LINC00237: variants seen among roughly 807,000 people sequenced by gnomAD.
LINC00237 encodes the protein long independently transcribed non-coding RNA 237, also known as long intergenic non-protein coding RNA 237.
At chr20:21,097,359 G>T (rs1287535661) in intron 1 of LINC00237, among the ~76,000 whole-genome samples, 1 of 151,734 alleles carries the variant, frequency 6.6e-6, no homozygotes, top group Non-Finnish European at 1.5e-5. Context: ...GGGTTAAGTT[G>T]GCCAATGTAC....
chr20:21,104,864 C>T (rs958286384), intron 1 of LINC00237, among the ~76,000 whole-genome samples: 1 of 152,164 alleles, frequency 6.6e-6, no homozygotes, highest in Admixed American at 6.5e-5. Flanking sequence ...CGTACACACA[C>T]ACTCATATAT....
chr20:21,104,452 A>G (rs1438193061), intron 1 of LINC00237, among the ~76,000 whole-genome samples: 5 of 152,238 alleles, frequency 3.3e-5, no homozygotes, highest in Admixed American at 2.0e-4. Flanking sequence ...AGCCTTGTCC[A>G]TAAATCCTCT....
chr20:21,096,363 C>G (rs960419990), intron 1 of LINC00237, among the ~76,000 whole-genome samples: 1 of 152,182 alleles, frequency 6.6e-6, no homozygotes, highest in Admixed American at 6.5e-5. Context: ...TAATTCCCAG[C>G]CAGCAAGAAG....
intron 1 of LINC00237, among the ~76,000 whole-genome samples, chr20:21,094,652 G>A (rs1158785087): frequency 6.6e-6 from 1 of 152,164 alleles, no homozygotes; most frequent in Non-Finnish European, 1.5e-5. Context: ...CCCATCAATA[G>A]GAAGAGTGGC....
intron 2 of LINC00237, among the ~76,000 whole-genome samples, chr20:21,091,179 T>TCACACA (rs113867216): frequency 2.0e-4 from 31 of 151,330 alleles, no homozygotes; most frequent in South Asian, 1.2e-3. Flanking sequence ...TCACTCACAC[T>TCACACA]CACACACACA....
intron 1 of LINC00237, among the ~76,000 whole-genome samples, chr20:21,102,207 G>C (rs890576779): frequency 6.6e-6 from 1 of 152,250 alleles, no homozygotes; most frequent in Non-Finnish European, 1.5e-5. Flanking sequence ...GCCAAGTGGA[G>C]AGTGAGGACA....
chr20:21,103,367 G>A (rs1600315379), intron 1 of LINC00237, among the ~76,000 whole-genome samples: 1 of 152,134 alleles, frequency 6.6e-6, no homozygotes, highest in East Asian at 1.9e-4. Flanking sequence ...TAGATGGCTG[G>A]ATGCCTTTGC....
intron 3 of LINC00237, among the ~76,000 whole-genome samples, chr20:21,086,561 T>C (rs2030697554): frequency 8.9e-6 from 1 of 112,582 alleles, no homozygotes; most frequent in Non-Finnish European, 1.9e-5. Context: ...GTACTATATA[T>C]ATAGTACATA....
chr20:21,091,446 G>A (rs79697253), intron 2 of LINC00237, among the ~76,000 whole-genome samples: 1,650 of 152,214 alleles, frequency 0.011, 28 homozygotes, highest in African/African-American at 0.038. Flanking sequence ...AAGAGATTGT[G>A]CAAACCCTCC....
rs1416594362 is a variant in LINC00237 at position 21,086,657 on chromosome 20, G to A, written n.560-769C>T. ...ATACTATATATAGTATACTATATAT[G>A]TATAGTATACTATATATAGTATACT... On this transcript the variant is annotated intron_variant and non_coding_transcript_variant, in intron 3 of 3. Coordinates refer to ENST00000691244, the Ensembl canonical transcript of LINC00237. Among the ~76,000 whole-genome samples, 7 of 103,468 alleles carry A rather than the reference G, an allele frequency of 6.8e-5. No individual in the cohort carries two copies. In the South Asian group the frequency reaches 8.2e-4, roughly 12 times the overall value. The allele number at this position is 103,468 out of a possible 152,430, so 67.9% of individuals were successfully genotyped here. A position where few individuals can be genotyped will look rare whatever the true frequency, so the allele number is the denominator to read the frequency against.
intron 1 of LINC00237, chr20:21,093,929 T>TCCTTC (rs2030823282): frequency 6.6e-6 from 1 of 152,228 alleles, no homozygotes. Context: ...GTATACCCTA[T>TCCTTC]CCTTCCCTTT....
At chr20:21,086,721 T>C (rs2030710177) in intron 3 of LINC00237, among the ~76,000 whole-genome samples, 1 of 23,824 alleles carries the variant, frequency 4.2e-5, no homozygotes, top group South Asian at 1.5e-3. Context: ...ACATATATAC[T>C]ATATATAGTA....
chr20:21,105,647 G>T (rs2030989437), intron 1 of LINC00237, among the ~76,000 whole-genome samples: 1 of 152,188 alleles, frequency 6.6e-6, no homozygotes, highest in African/African-American at 2.4e-5. Flanking sequence ...ACCTCTTCAG[G>T]AGAAAAGAGT....
chr20:21,102,998 T>A (rs1568887291), intron 1 of LINC00237, among the ~76,000 whole-genome samples: 1 of 152,176 alleles, frequency 6.6e-6, no homozygotes. Context: ...GCTTGGCGCC[T>A]GTGCTGAGAG....
At chr20:21,086,000 G>T (rs1182528909) in intron 3 of LINC00237, among the ~76,000 whole-genome samples, 2 of 152,190 alleles carry the variant, frequency 1.3e-5, no homozygotes, top group Non-Finnish European at 2.9e-5. Flanking sequence ...TAGCCCTGGT[G>T]GAAGCTGCAC....
rs1218807015 is a variant in LINC00237, at chr20:21,101,761, C to T, written n.88+4510G>A. ...CGATTGGGCTTGGGCTTGGGCTTGG[C>T]CTTGGTCAAGAAAGGTTTCCTCGGC... On this transcript the variant is annotated intron_variant and non_coding_transcript_variant, in intron 1 of 3. Transcript: ENST00000691244. The surrounding 1 kb of genome is among the most constrained non-coding windows in gnomAD (Gnocchi z 4.3). 2.0e-5 allele frequency among the ~76,000 whole-genome samples: 3 copies of T among 152,362 alleles called. No homozygotes were observed. In the South Asian group the frequency reaches 6.2e-4, roughly 32 times the overall value.
intron 1 of LINC00237, among the ~76,000 whole-genome samples, chr20:21,102,321 A>G (rs2030942845): frequency 1.3e-5 from 2 of 152,200 alleles, no homozygotes; most frequent in South Asian, 4.1e-4. Flanking sequence ...AGAGAGGGGA[A>G]TTTAAGTTTC....
intron 1 of LINC00237, among the ~76,000 whole-genome samples, chr20:21,102,513 G>T (rs960091986): frequency 6.6e-6 from 1 of 152,154 alleles, no homozygotes; most frequent in Non-Finnish European, 1.5e-5. Context: ...CGGAACAGGG[G>T]TGCAGCGGCG....
At chr20:21,102,326 A>C (rs1034359415) in intron 1 of LINC00237, among the ~76,000 whole-genome samples, 2 of 152,178 alleles carry the variant, frequency 1.3e-5, no homozygotes, top group Non-Finnish European at 2.9e-5. Flanking sequence ...GGGGAATTTA[A>C]GTTTCCCACT....
Sources: gnomAD v4.1 joint callset for allele counts (sites outside exome capture counted in the v4.1 genomes callset) on GRCh38, gnomAD v4.1.1 for gene constraint, Gnocchi (gnomAD v3.1) non-coding constraint, MANE v1.5 for transcripts, NCBI Gene and HGNC (gene_info 2026-07-23, HGNC 2026-07-21) for gene names.